NEBL: variants seen among roughly 807,000 people sequenced by gnomAD.
NEBL encodes nebulette, also known as LIM and SH3 protein 2.
In NEBL, 122 loss-of-function variants were observed where a neutral mutation model predicts 140.2. The observed-to-expected ratio is 0.87, with a 90% CI of 0.75 to 1.01. The LOEUF (loss-of-function observed/expected upper bound fraction) is 1.01. Ranked by LOEUF, NEBL falls within the 50% of genes least tolerant of loss-of-function variation. The pLI is 0.00. For synonymous variants in NEBL, 436 were observed against 398.9 expected, an observed-to-expected ratio of 1.09 and a Z score of -1.11; for missense variants, 1,365 against 1,231.3, an observed-to-expected ratio of 1.11 and a Z score of -1.62.
intron 1 of NEBL, among the ~76,000 whole-genome samples, chr10:21,268,093 C>T (rs1486730453): frequency 2.0e-5 from 3 of 152,166 alleles, no homozygotes; most frequent in South Asian, 2.1e-4. Flanking sequence ...CTTAGACCAA[C>T]CAGGAGTCAG....
intron 26 of NEBL, among the ~76,000 whole-genome samples, chr10:20,802,346 C>T (rs1373325432): frequency 6.6e-6 from 1 of 152,066 alleles, no homozygotes; most frequent in Non-Finnish European, 1.5e-5. Context: ...ATAAGTTAAG[C>T]GAATCTAATA....
intron 20 of NEBL, chr10:20,819,098 G>T: frequency 9.9e-7 from 1 of 1,013,576 alleles, no homozygotes; most frequent in Non-Finnish European, 1.2e-6. Context: ...AGCGGTACAT[G>T]TGCAGGTTTG....
At chr10:21,283,920 G>T (rs1014867339) in intron 1 of NEBL, among the ~76,000 whole-genome samples, 1 of 151,610 alleles carries the variant, frequency 6.6e-6, no homozygotes, top group South Asian at 2.1e-4. Context: ...TTGGCCAGTC[G>T]GGCATGGTGG....
At chr10:20,931,562 T>A (rs4748739) in intron 4 of NEBL, among the ~76,000 whole-genome samples, 5 of 152,106 alleles carry the variant, frequency 3.3e-5, no homozygotes, top group Admixed American at 6.5e-5. Context: ...GCGCCATGGC[T>A]GTGGCCTGGA....
At chr10:20,999,064 T>A (rs541577967) in intron 3 of NEBL, among the ~76,000 whole-genome samples, 2 of 152,038 alleles carry the variant, frequency 1.3e-5, no homozygotes, top group East Asian at 3.9e-4. Context: ...CCCAGACTTA[T>A]GTTTGAATTA....
intron 4 of NEBL, among the ~76,000 whole-genome samples, chr10:20,912,956 C>G (rs1848392095): frequency 6.8e-6 from 1 of 147,774 alleles, no homozygotes; most frequent in East Asian, 2.0e-4. Flanking sequence ...GACACAGGGT[C>G]TCACTATGTT....
rs145074212 is a variant in NEBL at position 21,159,114 on chromosome 10, C to G, written c.164+13269G>C. Among the ~76,000 whole-genome samples, 659 of 152,258 alleles carry G rather than the reference C, an allele frequency of 4.3e-3. 5 individuals are homozygous for G. Among genetic ancestry groups the G allele is most frequent in the African/African-American group, 0.015 (614 of 41,560 alleles). ...ATGTCCTATGATGCTTTTCCTCCAC[C>G]CTTTTTTTAAAGATGTATTCCCCCT... On this transcript the variant is annotated intron_variant, in intron 2 of 6. Coordinates refer to the NEBL transcript ENST00000417816.
intron 2 of NEBL, among the ~76,000 whole-genome samples, chr10:21,131,729 G>A (rs996190229): frequency 3.2e-5 from 4 of 123,856 alleles, no homozygotes; most frequent in Admixed American, 1.5e-4. Flanking sequence ...TTTTCTCCCC[G>A]CTGAACTAGT....
intron 4 of NEBL, among the ~76,000 whole-genome samples, chr10:20,936,847 G>A (rs1398461063): frequency 1.3e-5 from 2 of 152,100 alleles, no homozygotes; most frequent in Admixed American, 6.5e-5. Context: ...GAATAAGCTT[G>A]GGTCGATTCC....
chr10:21,085,420 G>A (rs1012488220), intron 2 of NEBL, among the ~76,000 whole-genome samples: 24 of 152,238 alleles, frequency 1.6e-4, no homozygotes, highest in East Asian at 3.9e-4. Flanking sequence ...CCAGGAGTTC[G>A]AGACCAGTCT....
At chr10:21,061,097 C>G (rs569470441) in intron 2 of NEBL, among the ~76,000 whole-genome samples, 2 of 151,930 alleles carry the variant, frequency 1.3e-5, no homozygotes, top group South Asian at 4.2e-4. Flanking sequence ...GGGCCTTAAT[C>G]CAATACAACT....
In NEBL at chr10:21,029,142, A is replaced by G; in HGVS notation, c.165-8941T>C. 4.6e-6 allele frequency: 6 copies of G among 1,311,628 alleles called. 2 individuals are homozygous for G. In the South Asian group the frequency reaches 7.1e-5, roughly 15 times the overall value. 81.2% of individuals were successfully genotyped at this position (1,311,628 alleles called of 1,614,324 possible). On this transcript the variant is annotated intron_variant, in intron 2 of 6. Coordinates refer to the NEBL transcript ENST00000417816. ...GGGCTGATGCAACAGATGACCTGGA[A>G]GGAGATGTTTCAACGATTTGACACA... is the stretch of plus-strand genomic sequence containing the variant.
chr10:21,157,658 C>T (rs760402802), intron 2 of NEBL, among the ~76,000 whole-genome samples: 7 of 152,148 alleles, frequency 4.6e-5, no homozygotes, highest in Non-Finnish European at 1.0e-4. Flanking sequence ...TCTCTAGCAT[C>T]AAAAACACAG....
chr10:20,888,044 TC>T, intron 4 of NEBL, 52 bp downstream of exon 4: 1 of 1,255,014 alleles, frequency 8.0e-7, no homozygotes, highest in Admixed American at 1.7e-5. Context: ...GTAGCTTTTT[TC>T]CAGTTATATG....
intron 2 of NEBL, among the ~76,000 whole-genome samples, chr10:21,033,456 G>A (rs969874329): frequency 1.3e-5 from 2 of 151,968 alleles, no homozygotes; most frequent in Non-Finnish European, 2.9e-5. Flanking sequence ...ACATAAATGT[G>A]TAAATGTTTA....
intron 23 of NEBL, 24 bp from the exon 24 acceptor site, chr10:20,812,964 C>T: frequency 6.2e-7 from 1 of 1,603,716 alleles, no homozygotes; most frequent in Non-Finnish European, 8.5e-7. Context: ...AATCATCATA[C>T]TGAATTTTGC....
chr10:20,953,357 C>T (rs1469476149), intron 4 of NEBL, among the ~76,000 whole-genome samples: 1 of 152,166 alleles, frequency 6.6e-6, no homozygotes, highest in Non-Finnish European at 1.5e-5. Flanking sequence ...CAAGTGTCTG[C>T]AAGCCAGGAA....
intron 4 of NEBL, among the ~76,000 whole-genome samples, chr10:20,905,672 AATTAGTCAAAATGATG>A (rs1228313067): frequency 6.6e-6 from 1 of 152,142 alleles, no homozygotes; most frequent in Non-Finnish European, 1.5e-5. Flanking sequence ...CTGAAAATGG[AATTAGTCAAAATGATG>A]ATAAGGCATC....
At chr10:21,131,176 C>T (rs1166064214) in intron 2 of NEBL, among the ~76,000 whole-genome samples, 2 of 152,034 alleles carry the variant, frequency 1.3e-5, no homozygotes, top group Non-Finnish European at 2.9e-5. Context: ...CACAATCTGC[C>T]AAAACTCACA....
Sources: allele counts gnomAD v4.1 joint callset (sites outside exome capture counted in the v4.1 genomes callset), GRCh38; gene constraint gnomAD v4.1.1; transcripts MANE v1.5; gene names NCBI Gene and HGNC (gene_info 2026-07-23, HGNC 2026-07-21).